Variants in ST8SIA6 observed in about 807,000 individuals in gnomAD.
ST8SIA6 encodes the protein alpha-2,8-sialyltransferase 8F.
Under a neutral mutation model 33.6 loss-of-function variants are expected in ST8SIA6, and 39 were observed. The observed-to-expected ratio is 1.16, with a 90% CI of 0.90 to 1.52. The LOEUF (loss-of-function observed/expected upper bound fraction) is 1.52, where lower values mean the gene tolerates loss of function less well. ST8SIA6 is among the 40% of genes most tolerant of loss of function. ST8SIA6 has a pLI of 0.00. For synonymous variants in ST8SIA6, 172 were observed against 167.2 expected (o/e 1.03, Z -0.22); for missense variants, 441 against 443.8 (o/e 0.99, Z 0.06).
At chr10:17,426,516 G>T (rs914703578) in intron 2 of ST8SIA6, among the ~76,000 whole-genome samples, 1 of 152,192 alleles carries the variant, frequency 6.6e-6, no homozygotes, top group Non-Finnish European at 1.5e-5. Context: ...GCCAACACTT[G>T]TCAGTCATTA....
At chr10:17,427,775 C>T (rs1324996045) in intron 2 of ST8SIA6, among the ~76,000 whole-genome samples, 1 of 152,234 alleles carries the variant, frequency 6.6e-6, no homozygotes, top group East Asian at 1.9e-4. Context: ...GACTCAGTCT[C>T]ACAGAGGCAA....
At chr10:17,437,658 C>CCTCT (rs1852321521) in intron 2 of ST8SIA6, among the ~76,000 whole-genome samples, 1 of 106,856 alleles carries the variant, frequency 9.4e-6, no homozygotes. Context: ...TCCTTCCTTC[C>CCTCT]TTCCTTCTGT....
At chr10:17,442,152 C>T (rs970943843) in intron 2 of ST8SIA6, among the ~76,000 whole-genome samples, 11 of 152,248 alleles carry the variant, frequency 7.2e-5, no homozygotes, top group Non-Finnish European at 1.2e-4. Flanking sequence ...CAGGCGTGGG[C>T]CACTGCACTC....
intron 2 of ST8SIA6, among the ~76,000 whole-genome samples, chr10:17,445,654 CT>C (rs1852678769): frequency 6.6e-6 from 1 of 152,208 alleles, no homozygotes; most frequent in Admixed American, 6.5e-5. Context: ...CCCAGTGCCC[CT>C]TCATTTCTGT....
At position 17,390,566 on chromosome 10, in the gene ST8SIA6, T is replaced by C; in HGVS notation, c.255A>G (p.Gln85=). 1 of 1,614,114 alleles carries C rather than the reference T, an allele frequency of 6.2e-7. No homozygotes were observed. Among genetic ancestry groups the C allele is most frequent in the Non-Finnish European group, 8.5e-7 (1 of 1,179,972 alleles). Reference sequence around the variant, plus strand: ...TGTTAGAGAAAGACTCAATGCCATATTGCAGATTTTTGCATTTCTCCGTCA... The same window carrying C: ...TGTTAGAGAAAGACTCAATGCCATACTGCAGATTTTTGCATTTCTCCGTCA... ...LQLTEKCKNL[Q]YGIESFSNKT... Residue 85 remains glutamine (Q), a synonymous_variant, in exon 3 of 8, where the codon CAA becomes CAG. Coordinates refer to ENST00000377602, the MANE Select transcript of ST8SIA6 (RefSeq NM_001004470.3).
intron 2 of ST8SIA6, among the ~76,000 whole-genome samples, chr10:17,440,068 A>C (rs1234624392): frequency 6.6e-6 from 1 of 152,186 alleles, no homozygotes; most frequent in Admixed American, 6.5e-5. Context: ...GGGTATAACT[A>C]TGGGATTCAG....
chr10:17,340,504 T>C (rs1244098195), intron 4 of ST8SIA6, among the ~76,000 whole-genome samples: 1 of 152,178 alleles, frequency 6.6e-6, no homozygotes, highest in Non-Finnish European at 1.5e-5. Flanking sequence ...ACCCAGCCAA[T>C]ATGGGAATGT....
At chr10:17,368,837 C>A (rs137979612) in intron 3 of ST8SIA6, among the ~76,000 whole-genome samples, 76 of 152,176 alleles carry the variant, frequency 5.0e-4, no homozygotes, top group African/African-American at 1.8e-3. Flanking sequence ...TGGCTGTAAT[C>A]CACCTCTGAG....
chr10:17,373,159 C>T (rs747937202), intron 3 of ST8SIA6, among the ~76,000 whole-genome samples: 12 of 152,164 alleles, frequency 7.9e-5, no homozygotes, highest in African/African-American at 1.2e-4. Flanking sequence ...TCTGATTGGA[C>T]GGAGGACAGC....
intron 5 of ST8SIA6, 28 bp from the exon 6 acceptor site, chr10:17,327,154 T>G: frequency 6.6e-7 from 1 of 1,525,190 alleles, no homozygotes; most frequent in Non-Finnish European, 9.0e-7. Flanking sequence ...AAAACTACCA[T>G]GAAATACCGT....
chr10:17,341,462 G>A (rs1168240230), intron 4 of ST8SIA6, among the ~76,000 whole-genome samples: 1 of 152,146 alleles, frequency 6.6e-6, no homozygotes, highest in Non-Finnish European at 1.5e-5. Context: ...GATACAGAAT[G>A]AGGACTGATA....
chr10:17,328,518 A>G (rs1848202426), intron 5 of ST8SIA6, among the ~76,000 whole-genome samples: 2 of 152,192 alleles, frequency 1.3e-5, no homozygotes, highest in African/African-American at 4.8e-5. Flanking sequence ...GCCCACGGCC[A>G]GGGTGCCGGC....
At chr10:17,384,845 T>C (rs1348913530) in intron 3 of ST8SIA6, among the ~76,000 whole-genome samples, 4 of 152,196 alleles carry the variant, frequency 2.6e-5, no homozygotes, top group African/African-American at 7.2e-5. Context: ...GATTGTTCTT[T>C]TGTTTGTAGC....
chr10:17,341,947 A>G (rs1848693585), intron 4 of ST8SIA6, among the ~76,000 whole-genome samples: 2 of 151,602 alleles, frequency 1.3e-5, no homozygotes, highest in South Asian at 4.2e-4. Context: ...AAAAAGAAAG[A>G]AGCTGGCTGT....
At chr10:17,390,324 A>T (rs945540129) in intron 3 of ST8SIA6, among the ~76,000 whole-genome samples, 2 of 152,020 alleles carry the variant, frequency 1.3e-5, no homozygotes, top group Non-Finnish European at 2.9e-5. Flanking sequence ...AGGGACAAAT[A>T]AGTTGAGTCC....
chr10:17,437,471 C>T (rs1564464424), intron 2 of ST8SIA6, among the ~76,000 whole-genome samples: 1 of 152,052 alleles, frequency 6.6e-6, no homozygotes. Context: ...CATGCCTGGA[C>T]AATCTCTATA....
chr10:17,420,286 C>A (rs1851739308), intron 2 of ST8SIA6, among the ~76,000 whole-genome samples: 1 of 152,148 alleles, frequency 6.6e-6, no homozygotes, highest in African/African-American at 2.4e-5. Flanking sequence ...GTGGCGGGCG[C>A]CTGTAGTCCC....
At chr10:17,354,226 T>C (rs1849122657) in intron 4 of ST8SIA6, among the ~76,000 whole-genome samples, 1 of 152,186 alleles carries the variant, frequency 6.6e-6, no homozygotes, top group Non-Finnish European at 1.5e-5. Context: ...TCTCATATCA[T>C]GTTTAATTTA....
intron 4 of ST8SIA6, among the ~76,000 whole-genome samples, chr10:17,347,566 A>C (rs894187636): frequency 1.3e-5 from 2 of 152,066 alleles, no homozygotes; most frequent in Admixed American, 1.3e-4. Context: ...AGGACTGTGA[A>C]ATCTTTGGAA....
Sources: gnomAD v4.1 joint callset for allele counts (sites outside exome capture counted in the v4.1 genomes callset) on GRCh38, gnomAD v4.1.1 for gene constraint, MANE v1.5 for transcripts, NCBI Gene and HGNC (gene_info 2026-07-23, HGNC 2026-07-21) for gene names.